The following GZMH variants were observed in gnomAD, a reference collection of about 807,000 sequenced individuals.
The protein encoded by GZMH is cathepsin G-like 2, protein h-CCPX.
Under a neutral mutation model 20.7 loss-of-function variants are expected in GZMH, and 24 were observed. That is an observed-to-expected ratio of 1.16 (90% CI 0.84 to 1.63). The LOEUF (loss-of-function observed/expected upper bound fraction) is 1.63. Among genes scored for constraint, GZMH ranks in the 40% most tolerant of loss-of-function variants. The pLI is 0.00. For synonymous variants in GZMH, 119 were observed against 116.1 expected, an observed-to-expected ratio of 1.02 and a Z score of -0.16; for missense variants, 344 against 302.7, an observed-to-expected ratio of 1.14 and a Z score of -1.01.
Position 24,607,203 on chromosome 14 carries a change from G to A in GZMH, c.543C>T (p.Ser181=), listed in dbSNP as rs1447128419. The A allele has an allele frequency of 1.2e-6, 2 of 1,614,022 alleles. No homozygotes were observed. The highest frequency in any genetic ancestry group is 1.3e-5 in the African/African-American group (1 of 74,972). ...QCERLFHGNY[S]RATEICVGDP... ...CCCCCACACAAATCTCAGTGGCTCTGCTGTAATTGCCATGGAAGAGACGTT... is the reference window on the plus strand; with the variant it reads ...CCCCCACACAAATCTCAGTGGCTCTACTGTAATTGCCATGGAAGAGACGTT... The change falls in exon 4 of 5, where the codon AGC becomes AGT. Residue 181 remains serine (S), a synonymous_variant. Coordinates refer to ENST00000216338, the MANE Select transcript of GZMH (RefSeq NM_033423.5).
In GZMH at chr14:24,607,384, G is replaced by C. The variant is rs753744963; in HGVS notation, c.362C>G (p.Thr121Ser). ...LLQLERKAKW[T>S]TAVRPLRLPS... is the part of the protein sequence containing the mutation. The stretch of plus-strand genomic sequence containing the variant: ...TAGCCTGAGAGGCCGCACAGCTGTG[G>C]TCCACTTGGCCTTTCTCTCCAGCTG... The change falls in exon 4 of 5, where the codon ACC becomes AGC. Residue 121 changes from threonine (T) to serine (S), a missense_variant. Coordinates refer to ENST00000216338, the MANE Select transcript of GZMH (RefSeq NM_033423.5). 37 of 1,602,164 alleles carry C rather than the reference G, an allele frequency of 2.3e-5. No homozygotes were observed. The highest frequency in any genetic ancestry group is 2.7e-5 in the Non-Finnish European group (32 of 1,171,640).
In GZMH at chr14:24,606,761, A is replaced by C; in HGVS notation, c.598-15T>G. The C allele has an allele frequency of 6.2e-7, 1 of 1,610,472 alleles. No homozygotes were observed. Among genetic ancestry groups the C allele is most frequent in the East Asian group, 2.2e-5 (1 of 44,864 alleles). On this transcript the variant is annotated splice_polypyrimidine_tract_variant and intron_variant, in intron 4 of 4. Transcript: ENST00000216338. ...CCGGAGTCCCCCTGTGAACAGAGAG[A>C]GGAAAGACTGAGCTAGTGTTCCCTG...
At position 24,608,284 on chromosome 14, in the gene GZMH, C is replaced by G; in HGVS notation, c.184G>C (p.Ala62Pro). The G allele has an allele frequency of 1.2e-6, 2 of 1,614,172 alleles. No homozygotes were observed. The highest frequency in any genetic ancestry group is 1.7e-6 in the Non-Finnish European group (2 of 1,180,014). ...CCTTACCTTCCCTGGCAGTGAGCAG[C>G]TGTCAGCACAAAGTCCTTTCTCACT... ...ILVRKDFVLT[A>P]AHCQGSSINV... The change falls in exon 2 of 5, where the codon GCT (alanine) becomes CCT (proline). Residue 62 changes from alanine (A) to proline (P), a missense_variant. Transcript: ENST00000216338.
At chr14:24,609,461 G>T in intron 1 of GZMH, 98 bp downstream of exon 1, 1 of 684,796 alleles carries the variant, frequency 1.5e-6, no homozygotes, top group Non-Finnish European at 2.5e-6. Context: ...TGGAATGGGA[G>T]GTGGGCTCAG....
At chr14:24,607,484 C>A in intron 3 of GZMH, 78 bp from the exon 4 acceptor site, 1 of 1,583,096 alleles carries the variant, frequency 6.3e-7, no homozygotes, top group Non-Finnish European at 8.6e-7. Context: ...GCTGCACAAT[C>A]TTCCCTCTCC....
Position 24,606,751 on chromosome 14 carries a change from G to A in GZMH, c.598-5C>T. The A allele has an allele frequency of 6.2e-7, 1 of 1,611,832 alleles. No homozygotes were observed. Among genetic ancestry groups the A allele is most frequent in the Non-Finnish European group, 8.5e-7 (1 of 1,178,990 alleles). On this transcript the variant is annotated splice_region_variant and splice_polypyrimidine_tract_variant and intron_variant, in intron 4 of 4. Coordinates refer to ENST00000216338, the MANE Select transcript of GZMH (RefSeq NM_033423.5). ...GAGGGGCCCCCCGGAGTCCCCCTGT[G>A]AACAGAGAGAGGAAAGACTGAGCTA...
Position 24,609,567 on chromosome 14 carries a change from G to T in GZMH, c.47C>A (p.Ala16Asp). 6.2e-7 allele frequency: 1 copy of T among 1,607,936 alleles called. No individual in the cohort carries two copies. The highest frequency in any genetic ancestry group is 1.3e-5 in the African/African-American group (1 of 74,882). ...TAGGGATAGTCACTTACCTGTCCCA[G>T]CCCCAGGGGTCAGAAGAAAGGCCAA... The part of the protein sequence containing the change: ...LLLAFLLTPG[A>D]GTEEIIGGHE... Residue 16 changes from alanine to aspartate, a missense_variant, in exon 1 of 5, where the codon GCT (alanine) becomes GAT (aspartate). Physicochemically the swap from Ala to Asp is moderately radical, Grantham distance 126. Coordinates refer to ENST00000216338, the MANE Select transcript of GZMH (RefSeq NM_033423.5).
chr14:24,607,673 C>T lies in GZMH; in HGVS notation c.278G>A (p.Arg93Lys), dbSNP rs761476125. 3.1e-6 allele frequency: 5 copies of T among 1,613,660 alleles called. No individual in the cohort carries two copies. In the East Asian group the frequency reaches 1.1e-4, roughly 36 times the overall value. ...ERTQQFIPVK[R>K]PIPHPAYNPK... ...ATTATAGGCTGGATGGGGGATGGGT[C>T]TTTTCACAGGGATAAACTGCTGGGT... Residue 93 changes from arginine to lysine, a missense_variant, in exon 3 of 5, where the codon AGA becomes AAA. By Grantham distance (26) the Arg-to-Lys change is conservative. Coordinates refer to ENST00000216338, the MANE Select transcript of GZMH (RefSeq NM_033423.5).
Position 24,607,648 on chromosome 14 carries a change from A to C in GZMH, c.303T>G (p.Asn101Lys). ...VKRPIPHPAY[N>K]PKNFSNDIML... Reference sequence around the variant, plus strand: ...TGATGTCGTTGGAGAAGTTCTTAGGATTATAGGCTGGATGGGGGATGGGTC... The same window carrying C: ...TGATGTCGTTGGAGAAGTTCTTAGGCTTATAGGCTGGATGGGGGATGGGTC... Residue 101 changes from asparagine (N) to lysine (K), a missense_variant, in exon 3 of 5, where the codon AAT (asparagine) becomes AAG (lysine). Physicochemically the swap from Asn to Lys is moderately conservative, Grantham distance 94. Transcript: ENST00000216338. 6.2e-7 allele frequency: 1 copy of C among 1,613,060 alleles called. No homozygotes were observed. Among genetic ancestry groups the C allele is most frequent in the Non-Finnish European group, 8.5e-7 (1 of 1,179,852 alleles).
intron 4 of GZMH, 115 bp downstream of exon 4, chr14:24,607,034 C>T: frequency 8.9e-7 from 1 of 1,126,718 alleles, no homozygotes; most frequent in Non-Finnish European, 1.3e-6. Flanking sequence ...CAGGGGGACA[C>T]AGGCTGCCCA....
At chr14:24,607,483 T>C in intron 3 of GZMH, 77 bp from the exon 4 acceptor site, 1 of 1,582,898 alleles carries the variant, frequency 6.3e-7, no homozygotes, top group Non-Finnish European at 8.6e-7. Context: ...GGCTGCACAA[T>C]CTTCCCTCTC....
chr14:24,608,201 C>T (rs542746972), intron 2 of GZMH, 64 bp downstream of exon 2: 3 of 1,564,722 alleles, frequency 1.9e-6, no homozygotes, highest in Non-Finnish European at 2.6e-6. Context: ...GGGCTGCAGT[C>T]CCCAGGAGAA....
chr14:24,608,214 C>G (rs2066886270), intron 2 of GZMH, 51 bp downstream of exon 2: 5 of 1,604,574 alleles, frequency 3.1e-6, no homozygotes, highest in African/African-American at 1.3e-5. Context: ...CAGGAGAAAA[C>G]AAGGGTCCCT....
chr14:24,608,737 A>G (rs1192695828), intron 1 of GZMH, among the ~76,000 whole-genome samples: 2 of 152,310 alleles, frequency 1.3e-5, no homozygotes, highest in African/African-American at 2.4e-5. Context: ...CCTCCTTTTT[A>G]GTGAGTCTCT....
At position 24,608,379 on chromosome 14, in the gene GZMH, T is replaced by G. The variant is rs1464773820; in HGVS notation, c.89A>C (p.His30Pro). 1 of 1,613,918 alleles carries G rather than the reference T, an allele frequency of 6.2e-7. No homozygotes were observed. The highest frequency in any genetic ancestry group is 8.5e-7 in the Non-Finnish European group (1 of 1,179,942). Residue 30 changes from histidine (H) to proline (P), a missense_variant, in exon 2 of 5, where the codon CAC (histidine) becomes CCC (proline). Coordinates refer to ENST00000216338, the MANE Select transcript of GZMH (RefSeq NM_033423.5). Reference sequence around the variant, plus strand: ...AACAAAGGCCATGTAGGGGCGGGAGTGGGGCTTGGCCTCATGGCCCCCGAT... The same window carrying G: ...AACAAAGGCCATGTAGGGGCGGGAGGGGGGCTTGGCCTCATGGCCCCCGAT... ...EIIGGHEAKP[H>P]SRPYMAFVQF... is the part of the protein sequence containing the mutation.
At position 24,606,537 on chromosome 14, in the gene GZMH, T is replaced by C; in HGVS notation, c.*66A>G. ...TCCTGCAACCCCGACTGCCCACCCC[T>C]TGGGGATTCTTGCCTCTGTCCCAGA... On this transcript the variant is annotated 3_prime_UTR_variant, in exon 5 of 5. Transcript: ENST00000216338. 1 of 1,495,096 alleles carries C rather than the reference T, an allele frequency of 6.7e-7. No individual in the cohort carries two copies. Among genetic ancestry groups the C allele is most frequent in the Non-Finnish European group, 9.1e-7 (1 of 1,096,648 alleles). 92.6% of individuals were successfully genotyped at this position (1,495,096 alleles called of 1,614,324 possible). A position where few individuals can be genotyped will look rare whatever the true frequency, so the allele number is the denominator to read the frequency against.
Position 24,606,728 on chromosome 14 carries a change from G to T in GZMH, c.616C>A (p.Leu206Ile). ...CCTTGGGCTACGTCCTTACACACGA[G>T]GGGCCCCCCGGAGTCCCCCTGTGAA... ...TGFKGDSGGPLVCKDVAQGIL... is the reference protein window; with the variant it reads ...TGFKGDSGGPIVCKDVAQGIL... Residue 206 changes from leucine (L) to isoleucine (I), a missense_variant, in exon 5 of 5, where the codon CTC becomes ATC. Coordinates refer to ENST00000216338, the MANE Select transcript of GZMH (RefSeq NM_033423.5). 1 of 1,613,566 alleles carries T rather than the reference G, an allele frequency of 6.2e-7. No homozygotes were observed. The highest frequency in any genetic ancestry group is 8.5e-7 in the Non-Finnish European group (1 of 1,179,694).
chr14:24,607,707 G>C lies in GZMH; in HGVS notation c.244C>G (p.Gln82Glu), dbSNP rs2066881505. ...VTLGAHNIKE[Q>E]ERTQQFIPVK... ...GGGATAAACTGCTGGGTCCGCTCCTGTTCCTTGATATTGTGGGCCCCCAAG... is the reference window on the plus strand; with the variant it reads ...GGGATAAACTGCTGGGTCCGCTCCTCTTCCTTGATATTGTGGGCCCCCAAG... Residue 82 changes from glutamine (Q) to glutamate (E), a missense_variant, in exon 3 of 5, where the codon CAG becomes GAG. Transcript: ENST00000216338. The C allele has an allele frequency of 1.2e-6, 2 of 1,614,034 alleles. No individual in the cohort carries two copies. The highest frequency in any genetic ancestry group is 1.7e-6 in the Non-Finnish European group (2 of 1,179,916).
rs754893870 is a variant in GZMH at position 24,609,554 on chromosome 14, C to T, written c.55+5G>A. Reference sequence around the variant, plus strand: ...CAGGCCTCTGGAATAGGGATAGTCACTTACCTGTCCCAGCCCCAGGGGTCA... The same window carrying T: ...CAGGCCTCTGGAATAGGGATAGTCATTTACCTGTCCCAGCCCCAGGGGTCA... On this transcript the variant is annotated splice_donor_5th_base_variant and intron_variant, in intron 1 of 4. Coordinates refer to ENST00000216338, the MANE Select transcript of GZMH (RefSeq NM_033423.5). 17 of 1,599,748 alleles carry T rather than the reference C, an allele frequency of 1.1e-5. No homozygotes were observed. The Middle Eastern group carries it at 5.0e-4, about 47-fold the overall frequency.
Sources: gnomAD v4.1 joint callset for allele counts (sites outside exome capture counted in the v4.1 genomes callset) on GRCh38, gnomAD v4.1.1 for gene constraint, MANE v1.5 for transcripts, NCBI Gene and HGNC (gene_info 2026-07-23, HGNC 2026-07-21) for gene names.